Variants in XKR6 observed in about 807,000 individuals in gnomAD.
XKR6 encodes XK-related protein 6.
XKR6 carries 22 observed loss-of-function variants against 56.7 expected under a neutral mutation model. The ratio of observed to expected loss-of-function variants is 0.39; its 90% CI spans 0.28 to 0.55. The LOEUF (loss-of-function observed/expected upper bound fraction) is 0.55, where lower values mean the gene tolerates loss of function less well. XKR6 is among the 20% of genes least tolerant of loss of function. XKR6 has a pLI of 0.66. For missense variants in XKR6, 852 were observed against 889.0 expected (o/e 0.96, Z 0.53); for synonymous variants, 524 against 387.8 (o/e 1.35, Z -4.13).
At chr8:10,946,095 C>G (rs1801529568) in intron 1 of XKR6, among the ~76,000 whole-genome samples, 1 of 151,990 alleles carries the variant, frequency 6.6e-6, no homozygotes. Flanking sequence ...TGACCTCACT[C>G]AAATTAGAGC....
intron 1 of XKR6, among the ~76,000 whole-genome samples, chr8:11,166,844 A>G (rs980567119): frequency 2.0e-5 from 3 of 152,168 alleles, no homozygotes; most frequent in Non-Finnish European, 2.9e-5. Context: ...AAAACTGCTG[A>G]GATTACAGGC....
chr8:11,186,376 T>C (rs1361252410), intron 1 of XKR6, among the ~76,000 whole-genome samples: 1 of 152,142 alleles, frequency 6.6e-6, no homozygotes, highest in Non-Finnish European at 1.5e-5. Context: ...TTCACTTCAC[T>C]TCAAACCAGG....
At chr8:10,933,154 T>C (rs550397574) in intron 1 of XKR6, among the ~76,000 whole-genome samples, 57 of 143,860 alleles carry the variant, frequency 4.0e-4, no homozygotes, top group African/African-American at 1.3e-3. Flanking sequence ...CCAGTGATGA[T>C]GAGCATTTTT....
chr8:11,037,523 C>A (rs947544786), intron 1 of XKR6, among the ~76,000 whole-genome samples: 3 of 152,234 alleles, frequency 2.0e-5, no homozygotes, highest in Non-Finnish European at 4.4e-5. Flanking sequence ...CTGCACCCAG[C>A]CTCAATGCTG....
At chr8:11,051,367 A>G in intron 1 of XKR6, among the ~76,000 whole-genome samples, 1 of 151,912 alleles carries the variant, frequency 6.6e-6, no homozygotes. Flanking sequence ...CATTATCTAG[A>G]TACTGATGAC....
At chr8:10,927,939 G>A (rs1442465671) in intron 1 of XKR6, among the ~76,000 whole-genome samples, 1 of 152,212 alleles carries the variant, frequency 6.6e-6, no homozygotes, top group South Asian at 2.1e-4. Context: ...TGGGACTGTA[G>A]TAGGGACTGA....
rs376559213 is a variant in XKR6 at position 11,012,674 on chromosome 8, A to G, written c.765-87844T>C. On this transcript the variant is annotated intron_variant, in intron 1 of 2. Coordinates refer to ENST00000416569, the MANE Select transcript of XKR6 (RefSeq NM_173683.4). ...TCCACTGTCCTCTCCTTTTCCTCCA[A>G]TCTGCATCCCCTCCTTTTTTCTGGG... Among the ~76,000 whole-genome samples the G allele has an allele frequency of 9.2e-4, 134 of 144,900 alleles. 1 individual carries two copies. The highest frequency in any genetic ancestry group is 3.4e-3 in the African/African-American group (131 of 38,664).
intron 1 of XKR6, among the ~76,000 whole-genome samples, chr8:10,946,205 C>T (rs1466332454): frequency 2.0e-5 from 3 of 152,006 alleles, no homozygotes; most frequent in African/African-American, 7.3e-5. Context: ...ACAGGTTGCC[C>T]ATGGGGAATG....
intron 1 of XKR6, among the ~76,000 whole-genome samples, chr8:11,059,654 G>GGGGGCGC (rs1466852372): frequency 3.5e-5 from 5 of 142,410 alleles, no homozygotes; most frequent in Non-Finnish European, 7.4e-5. Context: ...GACAGGTGCG[G>GGGGGCGC]GGGGCGCGGG....
At chr8:10,923,258 C>G (rs1800776080) in intron 2 of XKR6, among the ~76,000 whole-genome samples, 2 of 152,212 alleles carry the variant, frequency 1.3e-5, no homozygotes. Flanking sequence ...TTCCAAGGGT[C>G]ACACGGCCCC....
intron 1 of XKR6, chr8:11,124,710 G>A (rs1165908160): frequency 4.6e-5 from 7 of 152,786 alleles, no homozygotes; most frequent in Admixed American, 2.6e-4. Context: ...GGAGCAGACA[G>A]AGATGAGAAG....
intron 1 of XKR6, among the ~76,000 whole-genome samples, chr8:11,147,582 G>A (rs545563935): frequency 6.6e-6 from 1 of 151,760 alleles, no homozygotes; most frequent in Non-Finnish European, 1.5e-5. Flanking sequence ...CTTGAACCTG[G>A]GAGGCGGAGG....
At chr8:11,198,994 G>A (rs780617185) in intron 1 of XKR6, among the ~76,000 whole-genome samples, 4 of 151,808 alleles carry the variant, frequency 2.6e-5, no homozygotes, top group Non-Finnish European at 5.9e-5. Flanking sequence ...TGGGTGTTTA[G>A]GAATTTAGAT....
chr8:11,181,193 A>C (rs1802958234), intron 1 of XKR6, among the ~76,000 whole-genome samples: 1 of 152,246 alleles, frequency 6.6e-6, no homozygotes, highest in Non-Finnish European at 1.5e-5. Context: ...GTTGTTGTAT[A>C]AACAATTTAT....
At chr8:11,069,678 G>C (rs978917083) in intron 1 of XKR6, among the ~76,000 whole-genome samples, 2 of 151,496 alleles carry the variant, frequency 1.3e-5, no homozygotes, top group African/African-American at 4.9e-5. Flanking sequence ...TAAGCAAACA[G>C]AATAAAGAGG....
intron 2 of XKR6, among the ~76,000 whole-genome samples, chr8:10,923,591 GC>G (rs1800788726): frequency 1.3e-5 from 2 of 152,240 alleles, no homozygotes; most frequent in African/African-American, 4.8e-5. Context: ...CCTACAGAGG[GC>G]CAGCTTGGAA....
At chr8:10,955,704 C>T (rs769165778) in intron 1 of XKR6, among the ~76,000 whole-genome samples, 1 of 152,178 alleles carries the variant, frequency 6.6e-6, no homozygotes, top group African/African-American at 2.4e-5. Context: ...CAGACACCCA[C>T]AGAGATGCCA....
chr8:11,158,163 G>C (rs544261037), intron 1 of XKR6, among the ~76,000 whole-genome samples: 22 of 152,292 alleles, frequency 1.4e-4, no homozygotes, highest in African/African-American at 4.3e-4. Flanking sequence ...AGTGGGGAAA[G>C]GCAATAATCA....
chr8:10,943,809 T>C (rs998382077), intron 1 of XKR6, among the ~76,000 whole-genome samples: 1 of 152,108 alleles, frequency 6.6e-6, no homozygotes, highest in Non-Finnish European at 1.5e-5. Flanking sequence ...GCTCTCTTTC[T>C]CATTCCCTCC....
Sources: gnomAD v4.1 joint callset for allele counts (sites outside exome capture counted in the v4.1 genomes callset) on GRCh38, gnomAD v4.1.1 for gene constraint, MANE v1.5 for transcripts, NCBI Gene and HGNC (gene_info 2026-07-23, HGNC 2026-07-21) for gene names.